Variants in MRE11 observed in about 807,000 individuals in gnomAD.
The protein encoded by MRE11 is MRE11 double strand break repair nuclease.
Under a neutral mutation model 91.7 loss-of-function variants are expected in MRE11, and 62 were observed. That is an observed-to-expected ratio of 0.68 (90% CI 0.55 to 0.84). The LOEUF is 0.84. Ranked by LOEUF, MRE11 falls within the 40% of genes least tolerant of loss-of-function variation. MRE11 has a pLI of 0.00. For missense variants in MRE11, 796 were observed against 852.9 expected, an observed-to-expected ratio of 0.93 and a Z score of 0.83; for synonymous variants, 273 against 271.4, an observed-to-expected ratio of 1.01 and a Z score of -0.06.
intron 19 of MRE11, among the ~76,000 whole-genome samples, chr11:94,426,414 GAATCAAATTAACAATTTGTTAATTTA>G (rs149540827): frequency 0.64 from 93,459 of 147,002 alleles, 29,848 homozygotes; most frequent in South Asian, 0.76. Flanking sequence ...TTCATTAAGA[GAATCAAATTAACAATTTGTTAATTTA>G]AATCAAATTA....
At chr11:94,477,897 C>T (rs1359697096) in intron 6 of MRE11, among the ~76,000 whole-genome samples, 1 of 152,138 alleles carries the variant, frequency 6.6e-6, no homozygotes, top group Non-Finnish European at 1.5e-5. Flanking sequence ...GGTAAGAGAA[C>T]TGCATGGGAC....
At chr11:94,487,782 A>G (rs1028159285) in intron 3 of MRE11, among the ~76,000 whole-genome samples, 1 of 152,248 alleles carries the variant, frequency 6.6e-6, no homozygotes, top group African/African-American at 2.4e-5. Context: ...ACAAAATGTT[A>G]GAAAACCTGG....
chr11:94,466,630 T>G (rs559875951), intron 10 of MRE11: 23 of 376,270 alleles, frequency 6.1e-5, no homozygotes, highest in African/African-American at 4.8e-4. Flanking sequence ...CAACTAGTGG[T>G]TGGGCCAGAA....
intron 16 of MRE11, among the ~76,000 whole-genome samples, chr11:94,443,918 A>ATTGTT (rs1555004110): frequency 2.2e-5 from 3 of 135,170 alleles, no homozygotes; most frequent in Non-Finnish European, 3.2e-5. Context: ...CCTTCAACCA[A>ATTGTT]TTTTTTTTTT....
At chr11:94,445,368 G>A (rs555750397) in intron 16 of MRE11, among the ~76,000 whole-genome samples, 13 of 152,220 alleles carry the variant, frequency 8.5e-5, no homozygotes, top group Non-Finnish European at 1.9e-4. Flanking sequence ...AGAGTCCAAT[G>A]GCATGATCTT....
chr11:94,510,381 T>C, the MRE11 span, among the ~76,000 whole-genome samples: 3 of 152,338 alleles, frequency 2.0e-5, 1 homozygote, highest in South Asian at 6.2e-4. Context: ...AAGAAGTTTA[T>C]TCTGTGAGAA....
intron 6 of MRE11, among the ~76,000 whole-genome samples, chr11:94,477,049 T>C (rs796504380): frequency 1.3e-5 from 2 of 152,328 alleles, no homozygotes; most frequent in African/African-American, 4.8e-5. Context: ...CAGTAGTTAG[T>C]TGCATTTGAA....
At chr11:94,497,962 CAAGT>C (rs1325423089), upstream of MRE11, 1 of 797,042 alleles carries the variant, frequency 1.3e-6, no homozygotes, top group Non-Finnish European at 1.9e-6. Flanking sequence ...CATCTACTAA[CAAGT>C]AAGTTTTTAT....
At chr11:94,491,109 TGAA>T in intron 2 of MRE11, 144 bp from the exon 3 acceptor site, 1 of 624,218 alleles carries the variant, frequency 1.6e-6, no homozygotes, top group South Asian at 2.1e-5. Flanking sequence ...TCTGAAAATC[TGAA>T]GTATTCAACG....
In MRE11 at chr11:94,460,922, C is replaced by T. The variant is rs1313994720; in HGVS notation, c.1326+14G>A. ...AGGTAGCCATTATTCAAAATGTGAA[C>T]TGTAAGAAATTACCTTCTCTGCGGT... is the stretch of plus-strand genomic sequence containing the variant. On this transcript the variant is annotated intron_variant, in intron 12 of 19. Coordinates refer to ENST00000323929, the MANE Select transcript of MRE11 (RefSeq NM_005591.4). 6.3e-7 allele frequency: 1 copy of T among 1,598,514 alleles called. No individual in the cohort carries two copies. Among genetic ancestry groups the T allele is most frequent in the Non-Finnish European group, 8.6e-7 (1 of 1,166,492 alleles).
chr11:94,467,755 C>T, intron 10 of MRE11, 58 bp downstream of exon 10: 4 of 1,423,598 alleles, frequency 2.8e-6, no homozygotes, highest in Non-Finnish European at 4.0e-6. Context: ...ACCATGTAAA[C>T]TGTACATTAC....
At chr11:94,462,700 A>G (rs1370862402) in intron 11 of MRE11, among the ~76,000 whole-genome samples, 1 of 152,228 alleles carries the variant, frequency 6.6e-6, no homozygotes, top group South Asian at 2.1e-4. Context: ...TATTTAGTAA[A>G]TGGTGCTGGG....
the MRE11 span, among the ~76,000 whole-genome samples, chr11:94,509,842 A>G: frequency 9.2e-5 from 14 of 152,204 alleles, no homozygotes; most frequent in African/African-American, 3.1e-4. Flanking sequence ...ATTTTAAACA[A>G]CCTTGCATTC....
At position 94,482,978 on chromosome 11, in the gene MRE11, T is replaced by C. The variant is rs985634101; in HGVS notation, c.314+2946A>G. Among the ~76,000 whole-genome samples, 8 of 152,122 alleles carry C rather than the reference T, an allele frequency of 5.3e-5. 1 individual carries two copies. The highest frequency in any genetic ancestry group is 1.9e-4 in the African/African-American group (8 of 41,424). Reference sequence around the variant, plus strand: ...AATAAAAAATGTCCCAAGTTTTAGATTTGAATAGAAGGAGGGTAAAGACAT... The same window carrying C: ...AATAAAAAATGTCCCAAGTTTTAGACTTGAATAGAAGGAGGGTAAAGACAT... On this transcript the variant is annotated intron_variant, in intron 4 of 19. Transcript: ENST00000323929.
At chr11:94,457,887 T>TCTCTCTCA (rs372404360) in intron 13 of MRE11, among the ~76,000 whole-genome samples, 2,761 of 144,280 alleles carry the variant, frequency 0.019, 46 homozygotes, top group Middle Eastern at 0.043. Context: ...TCTCTCTCTC[T>TCTCTCTCA]CACACACACA....
At chr11:94,496,917 G>A (rs763266536), upstream of MRE11, 18 of 1,613,368 alleles carry the variant, frequency 1.1e-5, no homozygotes, top group Admixed American at 1.7e-5. Flanking sequence ...AAAGACCCAA[G>A]CAGATTGCTT....
the MRE11 span, among the ~76,000 whole-genome samples, chr11:94,507,547 G>GCC: frequency 6.6e-6 from 1 of 152,180 alleles, no homozygotes; most frequent in Non-Finnish European, 1.5e-5. Context: ...TGCCAAAACA[G>GCC]TTCTCCAAAG....
Position 94,478,722 on chromosome 11 carries a change from A to G in MRE11, c.544+13T>C. On this transcript the variant is annotated intron_variant, in intron 6 of 19. Transcript: ENST00000323929. The stretch of plus-strand genomic sequence containing the variant: ...CACACATGGACATAAACAGTAAAAT[A>G]AAACTGTCTTACCTAAACCATATAG... The G allele has an allele frequency of 6.2e-7, 1 of 1,611,532 alleles. No homozygotes were observed. Among genetic ancestry groups the G allele is most frequent in the Non-Finnish European group, 8.5e-7 (1 of 1,179,554 alleles).
At chr11:94,436,003 A>C in intron 17 of MRE11, 104 bp from the exon 18 acceptor site, 3 of 1,061,246 alleles carry the variant, frequency 2.8e-6, no homozygotes, top group Non-Finnish European at 4.3e-6. Context: ...GTTATATATG[A>C]GCCACAAAAA....
Sources: allele counts gnomAD v4.1 joint callset (sites outside exome capture counted in the v4.1 genomes callset), GRCh38; gene constraint gnomAD v4.1.1; transcripts MANE v1.5; gene names NCBI Gene and HGNC (gene_info 2026-07-23, HGNC 2026-07-21).